The following CDH12 variants were observed in gnomAD, a reference collection of about 807,000 sequenced individuals.
CDH12 encodes cadherin 12.
In CDH12, 41 loss-of-function variants were observed where a neutral mutation model predicts 74.1. The observed-to-expected ratio is 0.55, with a 90% CI of 0.43 to 0.72. The LOEUF is 0.72. Ranked by LOEUF, CDH12 falls within the 30% of genes least tolerant of loss-of-function variation. The pLI is 0.00. For synonymous variants in CDH12, 399 were observed against 355.0 expected, an observed-to-expected ratio of 1.12 and a Z score of -1.39; for missense variants, 945 against 977.2, an observed-to-expected ratio of 0.97 and a Z score of 0.44.
chr5:22,610,027 G>C (rs1013367313), intron 1 of CDH12, among the ~76,000 whole-genome samples: 6 of 152,220 alleles, frequency 3.9e-5, no homozygotes, highest in African/African-American at 1.4e-4. Flanking sequence ...TCTTCTGCCT[G>C]GGCAAATTGC....
At chr5:21,955,336 G>A (rs1756048088) in intron 6 of CDH12, among the ~76,000 whole-genome samples, 1 of 151,432 alleles carries the variant, frequency 6.6e-6, no homozygotes, top group African/African-American at 2.4e-5. Context: ...ATTAGAAAAA[G>A]GCAAATTACT....
chr5:22,013,777 G>GT, intron 5 of CDH12, among the ~76,000 whole-genome samples: 1 of 152,066 alleles, frequency 6.6e-6, no homozygotes, highest in East Asian at 1.9e-4. Flanking sequence ...TGACATATGG[G>GT]TTTTTTTCTT....
chr5:21,943,327 A>C (rs1038787502), intron 6 of CDH12, among the ~76,000 whole-genome samples: 18 of 152,310 alleles, frequency 1.2e-4, no homozygotes, highest in Admixed American at 8.5e-4. Flanking sequence ...TTTACAGTAA[A>C]ATTTTTACTT....
chr5:22,107,279 C>T (rs375093005), intron 4 of CDH12, among the ~76,000 whole-genome samples: 2 of 150,548 alleles, frequency 1.3e-5, no homozygotes, highest in Middle Eastern at 3.5e-3. Context: ...TTATAGGCGC[C>T]CACCACCATG....
intron 1 of CDH12, among the ~76,000 whole-genome samples, chr5:22,566,291 G>A (rs894875231): frequency 6.7e-6 from 1 of 148,910 alleles, no homozygotes; most frequent in Non-Finnish European, 1.5e-5. Context: ...AGGCTGGAGT[G>A]CAGTGGCACA....
chr5:21,833,031 T>TATATATTATATATTATATGTTATATAAC (rs1749171974), intron 8 of CDH12, among the ~76,000 whole-genome samples: 2 of 56,286 alleles, frequency 3.6e-5, no homozygotes, highest in African/African-American at 1.5e-4. Context: ...TAATATATAA[T>TATATATTATATATTATATGTTATATAAC]ATATAATATA....
At chr5:21,880,616 C>CTTCTTTCTCTCTTTCTTTCTTTCTTTCT (rs1752257861) in intron 6 of CDH12, among the ~76,000 whole-genome samples, 2 of 50,810 alleles carry the variant, frequency 3.9e-5, no homozygotes, top group African/African-American at 1.8e-4. Flanking sequence ...TCCTTCCTTC[C>CTTCTTTCTCTCTTTCTTTCTTTCTTTCT]TTCTTTCTTT....
At chr5:22,305,368 G>A (rs904592653) in intron 3 of CDH12, among the ~76,000 whole-genome samples, 1 of 152,122 alleles carries the variant, frequency 6.6e-6, no homozygotes, top group Non-Finnish European at 1.5e-5. Context: ...ACAGGTTGGA[G>A]TCTCAAAAGC....
chr5:21,945,553 GTTAAAA>G (rs1276237706), intron 6 of CDH12, among the ~76,000 whole-genome samples: 7 of 145,120 alleles, frequency 4.8e-5, no homozygotes, highest in East Asian at 4.2e-4. Flanking sequence ...ACAAATAAAA[GTTAAAA>G]TTAAAAGTAA....
At chr5:21,804,205 C>G (rs1156881286) in intron 9 of CDH12, among the ~76,000 whole-genome samples, 1 of 151,868 alleles carries the variant, frequency 6.6e-6, no homozygotes, top group Non-Finnish European at 1.5e-5. Flanking sequence ...ATTTTGATTT[C>G]TCTTAATACC....
At chr5:21,810,526 G>A (rs1274103497) in intron 9 of CDH12, among the ~76,000 whole-genome samples, 1 of 152,072 alleles carries the variant, frequency 6.6e-6, no homozygotes, top group Non-Finnish European at 1.5e-5. Context: ...GCAGACTTTT[G>A]TTGGGAGCAA....
At chr5:22,566,849 A>G (rs1206856157) in intron 1 of CDH12, among the ~76,000 whole-genome samples, 1 of 152,182 alleles carries the variant, frequency 6.6e-6, no homozygotes, top group East Asian at 1.9e-4. Context: ...TGTTTTTCAT[A>G]ATATACTTGA....
At chr5:22,783,233 C>T (rs1010489754) in intron 1 of CDH12, among the ~76,000 whole-genome samples, 6 of 151,952 alleles carry the variant, frequency 3.9e-5, no homozygotes, top group Non-Finnish European at 5.9e-5. Flanking sequence ...AATGTTGTAT[C>T]AGTAGTAATG....
At chr5:22,310,852 G>C (rs917622418) in intron 3 of CDH12, among the ~76,000 whole-genome samples, 4 of 152,066 alleles carry the variant, frequency 2.6e-5, no homozygotes, top group Non-Finnish European at 5.9e-5. Context: ...TTATGAACTA[G>C]GGCAAAGTCA....
intron 6 of CDH12, among the ~76,000 whole-genome samples, chr5:21,945,427 CAAAAA>C (rs1167475672): frequency 7.5e-3 from 116 of 15,470 alleles, no homozygotes; most frequent in African/African-American, 0.025. Context: ...CTGTTTCAGA[CAAAAA>C]AAAAAAAAAA....
intron 4 of CDH12, among the ~76,000 whole-genome samples, chr5:22,088,503 C>T (rs1743209813): frequency 6.6e-6 from 1 of 152,162 alleles, no homozygotes; most frequent in Non-Finnish European, 1.5e-5. Context: ...ACCACCACCA[C>T]TACTACCACC....
intron 6 of CDH12, among the ~76,000 whole-genome samples, chr5:21,960,254 T>C (rs1580021802): frequency 6.6e-6 from 1 of 152,164 alleles, no homozygotes; most frequent in Non-Finnish European, 1.5e-5. Context: ...CATCTCCACA[T>C]GGCACATGCT....
intron 9 of CDH12, among the ~76,000 whole-genome samples, chr5:21,815,660 C>T (rs1158796085): frequency 6.6e-6 from 1 of 152,144 alleles, no homozygotes; most frequent in African/African-American, 2.4e-5. Flanking sequence ...AATTCTTTTT[C>T]ACTTTCTTCC....
At chr5:22,633,436 A>T (rs1416857542) in intron 1 of CDH12, among the ~76,000 whole-genome samples, 1 of 152,162 alleles carries the variant, frequency 6.6e-6, no homozygotes, top group Non-Finnish European at 1.5e-5. Context: ...GGTTAGTTTT[A>T]TATGTCAACT....
Sources: gnomAD v4.1 joint callset for allele counts (sites outside exome capture counted in the v4.1 genomes callset) on GRCh38, gnomAD v4.1.1 for gene constraint, MANE v1.5 for transcripts, NCBI Gene and HGNC (gene_info 2026-07-23, HGNC 2026-07-21) for gene names.